LRRC4C: variants seen among roughly 807,000 people sequenced by gnomAD.
LRRC4C encodes leucine-rich repeat-containing protein 4C.
In LRRC4C, 5 loss-of-function variants were observed where a neutral mutation model predicts 33.6. The observed-to-expected ratio is 0.15, with a 90% CI of 0.08 to 0.31. The LOEUF (loss-of-function observed/expected upper bound fraction) is 0.31. Ranked by LOEUF, LRRC4C falls within the 10% of genes least tolerant of loss-of-function variation. The pLI is 1.00. For synonymous variants in LRRC4C, 329 were observed against 302.0 expected, an observed-to-expected ratio of 1.09 and a Z score of -0.93; for missense variants, 560 against 796.7, an observed-to-expected ratio of 0.70 and a Z score of 3.58.
chr11:41,436,521 G>A (rs1222636138), intron 1 of LRRC4C, among the ~76,000 whole-genome samples: 1 of 152,196 alleles, frequency 6.6e-6, no homozygotes, highest in African/African-American at 2.4e-5. Context: ...ACCTGTCAAA[G>A]TCCCACAGTG....
intron 1 of LRRC4C, among the ~76,000 whole-genome samples, chr11:40,936,066 A>G (rs866232709): frequency 5.0e-5 from 4 of 80,796 alleles, no homozygotes; most frequent in Non-Finnish European, 8.7e-5. Context: ...ATATATATAT[A>G]ACATAGTTTG....
intron 3 of LRRC4C, among the ~76,000 whole-genome samples, chr11:40,608,401 G>A (rs2135862623): frequency 6.6e-6 from 1 of 151,580 alleles, no homozygotes; most frequent in East Asian, 1.9e-4. Flanking sequence ...AAGAAAATGA[G>A]AAATGAATCA....
intron 3 of LRRC4C, among the ~76,000 whole-genome samples, chr11:40,545,664 A>G (rs564646940): frequency 2.8e-4 from 42 of 152,162 alleles, no homozygotes; most frequent in African/African-American, 9.6e-4. Context: ...GATATACAGA[A>G]AAAACAACAG....
intron 1 of LRRC4C, among the ~76,000 whole-genome samples, chr11:41,430,915 A>C (rs1391271181): frequency 6.6e-6 from 1 of 152,088 alleles, no homozygotes; most frequent in Non-Finnish European, 1.5e-5. Flanking sequence ...TGAGGAATAC[A>C]TTCTGATAGA....
chr11:40,216,310 C>T (rs752701165), intron 5 of LRRC4C, among the ~76,000 whole-genome samples: 1 of 152,120 alleles, frequency 6.6e-6, no homozygotes, highest in African/African-American at 2.4e-5. Context: ...TAGATTTCTA[C>T]TATGACTGGA....
intron 1 of LRRC4C, among the ~76,000 whole-genome samples, chr11:41,138,170 T>C (rs1032579062): frequency 6.6e-6 from 1 of 152,250 alleles, no homozygotes; most frequent in Non-Finnish European, 1.5e-5. Flanking sequence ...ATCCATATGC[T>C]AGACACTAGC....
chr11:40,625,394 G>T (rs989762875), intron 3 of LRRC4C, among the ~76,000 whole-genome samples: 2 of 152,170 alleles, frequency 1.3e-5, no homozygotes, highest in African/African-American at 4.8e-5. Flanking sequence ...TGAAAGAGGA[G>T]CAAAGGCACA....
chr11:40,515,184 A>T (rs1260162731), intron 3 of LRRC4C, among the ~76,000 whole-genome samples: 1 of 152,130 alleles, frequency 6.6e-6, no homozygotes, highest in Non-Finnish European at 1.5e-5. Flanking sequence ...AATTTAATTA[A>T]CATGTAAAAA....
chr11:40,285,773 A>G (rs1208030675), intron 4 of LRRC4C, among the ~76,000 whole-genome samples: 1 of 152,180 alleles, frequency 6.6e-6, no homozygotes, highest in African/African-American at 2.4e-5. Context: ...ATTCAGATTG[A>G]GTACCTGGTT....
At chr11:41,127,301 T>A (rs1481099159) in intron 1 of LRRC4C, among the ~76,000 whole-genome samples, 1 of 151,616 alleles carries the variant, frequency 6.6e-6, no homozygotes, top group Non-Finnish European at 1.5e-5. Flanking sequence ...ATGTTCATCC[T>A]CAAGTATTAA....
chr11:40,789,177 T>C (rs1036627543), intron 2 of LRRC4C, among the ~76,000 whole-genome samples: 5 of 151,812 alleles, frequency 3.3e-5, no homozygotes, highest in African/African-American at 1.2e-4. Context: ...GGAATCAAGT[T>C]TGAAAATTTA....
intron 1 of LRRC4C, among the ~76,000 whole-genome samples, chr11:41,377,365 C>A (rs1952974758): frequency 6.6e-6 from 1 of 152,056 alleles, no homozygotes; most frequent in Admixed American, 6.6e-5. Context: ...TTCCCAAGAC[C>A]AGTACAAAAT....
chr11:41,103,060 A>G (rs534414888), intron 1 of LRRC4C, among the ~76,000 whole-genome samples: 1 of 151,980 alleles, frequency 6.6e-6, no homozygotes, highest in Non-Finnish European at 1.5e-5. Flanking sequence ...TTATTTTTTA[A>G]AAAAAGCATT....
At chr11:40,965,849 C>A (rs187746974) in intron 1 of LRRC4C, among the ~76,000 whole-genome samples, 1 of 151,620 alleles carries the variant, frequency 6.6e-6, no homozygotes. Flanking sequence ...CTTGGTGATG[C>A]GGGCTCTTTT....
intron 2 of LRRC4C, among the ~76,000 whole-genome samples, chr11:40,684,663 G>C (rs2136353580): frequency 6.6e-6 from 1 of 151,788 alleles, no homozygotes; most frequent in East Asian, 1.9e-4. Flanking sequence ...AAATATTGTA[G>C]TGAATTTATT....
chr11:41,367,477 C>T (rs1401527920), intron 1 of LRRC4C, among the ~76,000 whole-genome samples: 2 of 152,150 alleles, frequency 1.3e-5, no homozygotes, highest in Non-Finnish European at 2.9e-5. Flanking sequence ...ACCAGCTACA[C>T]ATAGTGAAAG....
chr11:40,722,365 C>T (rs1308112333), intron 2 of LRRC4C, among the ~76,000 whole-genome samples: 1 of 152,144 alleles, frequency 6.6e-6, no homozygotes, highest in African/African-American at 2.4e-5. Context: ...GCCTATTTGC[C>T]AGCCTTTACT....
At chr11:41,406,920 T>C (rs982483101) in intron 1 of LRRC4C, among the ~76,000 whole-genome samples, 2 of 152,102 alleles carry the variant, frequency 1.3e-5, no homozygotes, top group Admixed American at 6.6e-5. Context: ...TAACTTCAAA[T>C]GTTAGTTTTT....
intron 2 of LRRC4C, among the ~76,000 whole-genome samples, chr11:40,716,350 TAATAAATATTTTTTAAAA>T (rs1946716829): frequency 6.6e-6 from 1 of 152,104 alleles, no homozygotes; most frequent in African/African-American, 2.4e-5. Flanking sequence ...TGTTAAAAAA[TAATAAATATTTTTTAAAA>T]ATCTTATCAG....
Sources: allele counts gnomAD v4.1 joint callset (sites outside exome capture counted in the v4.1 genomes callset), GRCh38; gene constraint gnomAD v4.1.1; transcripts MANE v1.5; gene names NCBI Gene and HGNC (gene_info 2026-07-23, HGNC 2026-07-21).